SUSD4: variants seen among roughly 807,000 people sequenced by gnomAD.
SUSD4 encodes sushi domain containing 4.
A neutral mutation model predicts 50.5 loss-of-function variants in SUSD4; 41 were observed. That is an observed-to-expected ratio of 0.81 (90% CI 0.63 to 1.05). The LOEUF (loss-of-function observed/expected upper bound fraction) is 1.05. SUSD4 is among the 50% of genes least tolerant of loss of function. SUSD4 has a pLI of 0.00. For synonymous variants in SUSD4, 257 were observed against 257.3 expected, an observed-to-expected ratio of 1.00 and a Z score of 0.01; for missense variants, 580 against 634.7, an observed-to-expected ratio of 0.91 and a Z score of 0.93.
At chr1:223,257,119 G>A (rs936483468) in intron 5 of SUSD4, among the ~76,000 whole-genome samples, 2 of 152,212 alleles carry the variant, frequency 1.3e-5, no homozygotes, top group Admixed American at 1.3e-4. Flanking sequence ...GCCGGGGCTA[G>A]GAGTGCAGGG....
upstream of SUSD4, among the ~76,000 whole-genome samples, chr1:223,364,725 G>A (rs1463703718): frequency 2.0e-5 from 3 of 151,818 alleles, no homozygotes; most frequent in Non-Finnish European, 2.9e-5. The surrounding 1 kb of genome is among the most constrained non-coding windows in gnomAD (Gnocchi z 4.5). Context: ...CGCGGCGGTG[G>A]CTGCAGACCC....
chr1:223,352,038 T>C (rs1314503538), intron 2 of SUSD4, among the ~76,000 whole-genome samples: 20 of 152,078 alleles, frequency 1.3e-4, no homozygotes, highest in Non-Finnish European at 2.5e-4. Flanking sequence ...AAAGTGAAGG[T>C]AGAGGCCAGG....
chr1:223,327,665 T>C (rs1436060307), intron 2 of SUSD4, among the ~76,000 whole-genome samples: 5 of 152,020 alleles, frequency 3.3e-5, no homozygotes, highest in African/African-American at 4.8e-5. Flanking sequence ...TTCTGGCCCA[T>C]AGGGAGCCTT....
chr1:223,257,365 C>CAA (rs113889113), intron 5 of SUSD4, among the ~76,000 whole-genome samples: 2 of 150,688 alleles, frequency 1.3e-5, no homozygotes, highest in African/African-American at 4.9e-5. Flanking sequence ...AATTAAAAAA[C>CAA]AAAAAAAAAC....
chr1:223,346,816 T>A (rs1055032676), intron 2 of SUSD4, among the ~76,000 whole-genome samples: 2 of 152,220 alleles, frequency 1.3e-5, no homozygotes, highest in Admixed American at 6.5e-5. Flanking sequence ...TGTTACTACA[T>A]TTCTTGCTAT....
At chr1:223,303,568 G>A (rs560442365) in intron 2 of SUSD4, among the ~76,000 whole-genome samples, 65 of 152,308 alleles carry the variant, frequency 4.3e-4, no homozygotes, top group South Asian at 1.5e-3. Flanking sequence ...CCAGCAGCCC[G>A]CAATGCAATG....
chr1:223,246,913 G>A (rs1660977246), intron 5 of SUSD4, among the ~76,000 whole-genome samples: 1 of 152,186 alleles, frequency 6.6e-6, no homozygotes, highest in Middle Eastern at 3.2e-3. Flanking sequence ...CCAGGGCATG[G>A]GGCAGGGGAA....
intron 3 of SUSD4, among the ~76,000 whole-genome samples, chr1:223,277,391 A>G (rs929122041): frequency 2.0e-5 from 3 of 152,116 alleles, no homozygotes; most frequent in African/African-American, 7.2e-5. Context: ...TGGCAGGAAC[A>G]GCTCCTCCTC....
intron 2 of SUSD4, among the ~76,000 whole-genome samples, chr1:223,300,090 C>T (rs539805325): frequency 6.6e-6 from 1 of 152,264 alleles, no homozygotes; most frequent in South Asian, 2.1e-4. Flanking sequence ...TTCTGGTAAG[C>T]AGTCATCTAG....
chr1:223,223,159 G>A, intron 8 of SUSD4, 90 bp downstream of exon 8: 1 of 1,480,488 alleles, frequency 6.8e-7, no homozygotes. Context: ...CTGTGCTGGG[G>A]GGTGGAGCGT....
At chr1:223,345,921 G>A (rs947974804) in intron 2 of SUSD4, among the ~76,000 whole-genome samples, 1 of 152,082 alleles carries the variant, frequency 6.6e-6, no homozygotes, top group Non-Finnish European at 1.5e-5. Flanking sequence ...CGGGCCTTCA[G>A]CACCTCTCAC....
intron 2 of SUSD4, among the ~76,000 whole-genome samples, chr1:223,331,277 G>T (rs1667156579): frequency 6.6e-6 from 1 of 152,200 alleles, no homozygotes; most frequent in Admixed American, 6.5e-5. Flanking sequence ...GCGCTTTGGA[G>T]TTCACAAGGT....
At chr1:223,271,780 G>A (rs916253219) in intron 3 of SUSD4, among the ~76,000 whole-genome samples, 4 of 152,200 alleles carry the variant, frequency 2.6e-5, no homozygotes, top group African/African-American at 9.7e-5. Flanking sequence ...TGCCCAGTGA[G>A]TTCTCTGTAG....
intron 2 of SUSD4, among the ~76,000 whole-genome samples, chr1:223,312,252 G>T (rs908439978): frequency 5.3e-5 from 8 of 152,316 alleles, no homozygotes; most frequent in Admixed American, 2.6e-4. Context: ...AGAAAATGAA[G>T]CAGCTGCTAT....
At chr1:223,236,413 ACATCGCCATACACAGGT>A (rs1660222440) in intron 5 of SUSD4, among the ~76,000 whole-genome samples, 1 of 152,188 alleles carries the variant, frequency 6.6e-6, no homozygotes, top group African/African-American at 2.4e-5. Flanking sequence ...ATCTAAAAAG[ACATCGCCATACACAGGT>A]CATCTGGATT....
At chr1:223,222,534 G>A (rs1183741075) in intron 8 of SUSD4, among the ~76,000 whole-genome samples, 5 of 152,152 alleles carry the variant, frequency 3.3e-5, no homozygotes, top group Admixed American at 6.5e-5. Context: ...AAGGCAGCGT[G>A]GTTTGCAGAA....
intron 3 of SUSD4, among the ~76,000 whole-genome samples, chr1:223,282,285 G>C (rs1250595705): frequency 1.3e-5 from 2 of 152,188 alleles, no homozygotes; most frequent in South Asian, 2.1e-4. Context: ...ATCAGGAAAA[G>C]AGGAAGTCAA....
intron 2 of SUSD4, among the ~76,000 whole-genome samples, chr1:223,350,167 G>A (rs544600642): frequency 1.4e-4 from 22 of 152,182 alleles, no homozygotes; most frequent in Non-Finnish European, 2.6e-4. Context: ...AATTTCCATC[G>A]TTTAAGTCAT....
rs571441287 is a variant in SUSD4, at chr1:223,239,141, C to T, written c.725-9753G>A. On this transcript the variant is annotated intron_variant, in intron 5 of 8. Coordinates refer to ENST00000366878, the MANE Select transcript of SUSD4 (RefSeq NM_017982.4). ...AAGTCTGTTCTGTCTGGAATAAATA[C>T]ACAGTTGTTACTCTTCCTTTCTTTT... 2.6e-5 allele frequency among the ~76,000 whole-genome samples: 4 copies of T among 152,148 alleles called. No individual in the cohort carries two copies. The East Asian group carries it at 7.7e-4, about 29-fold the overall frequency.
Sources: allele counts gnomAD v4.1 joint callset (sites outside exome capture counted in the v4.1 genomes callset), GRCh38; gene constraint gnomAD v4.1.1; non-coding constraint Gnocchi (gnomAD v3.1); transcripts MANE v1.5; gene names NCBI Gene and HGNC (gene_info 2026-07-23, HGNC 2026-07-21).